FAF1: variants seen among roughly 807,000 people sequenced by gnomAD.
FAF1 encodes FAS-associated factor 1.
In FAF1, 25 loss-of-function variants were observed where a neutral mutation model predicts 92.5. The ratio of observed to expected loss-of-function variants is 0.27; its 90% CI spans 0.20 to 0.38. The LOEUF (loss-of-function observed/expected upper bound fraction) is 0.38, where lower values mean the gene tolerates loss of function less well. Ranked by LOEUF, FAF1 falls within the 10% of genes least tolerant of loss-of-function variation. The pLI is 1.00. For synonymous variants in FAF1, 234 were observed against 273.2 expected, an observed-to-expected ratio of 0.86 and a Z score of 1.42; for missense variants, 636 against 793.3, an observed-to-expected ratio of 0.80 and a Z score of 2.38.
At chr1:50,532,844 C>T (rs1648252551) in intron 15 of FAF1, among the ~76,000 whole-genome samples, 1 of 152,112 alleles carries the variant, frequency 6.6e-6, no homozygotes, top group African/African-American at 2.4e-5. Flanking sequence ...CAGGGTCTCA[C>T]TCTGTCACCC....
intron 18 of FAF1, among the ~76,000 whole-genome samples, chr1:50,466,575 G>C (rs1205721910): frequency 6.6e-6 from 1 of 152,172 alleles, no homozygotes; most frequent in Non-Finnish European, 1.5e-5. Context: ...AGAGATCAAA[G>C]GACTGACATT....
intron 13 of FAF1, among the ~76,000 whole-genome samples, chr1:50,561,061 G>A (rs957264390): frequency 6.6e-6 from 1 of 152,148 alleles, no homozygotes; most frequent in African/African-American, 2.4e-5. Context: ...CTAGCACTCC[G>A]GGCCTGGGAC....
Position 50,654,721 on chromosome 1 carries a change from T to C in FAF1, c.744+721A>G, listed in dbSNP as rs373961890. Among the ~76,000 whole-genome samples the C allele has an allele frequency of 8.1e-4, 123 of 152,338 alleles. 4 individuals carry two copies. The South Asian group carries it at 0.024, about 30-fold the overall frequency. ...AATTAAATATAATGATTAGCTTGAT[T>C]TTGAAATATCTGTAATTTAGGAAAG... On this transcript the variant is annotated intron_variant, in intron 8 of 18. Coordinates refer to ENST00000396153, the MANE Select transcript of FAF1 (RefSeq NM_007051.3).
chr1:50,938,062 T>A (rs547624187), intron 1 of FAF1, among the ~76,000 whole-genome samples: 1 of 152,214 alleles, frequency 6.6e-6, no homozygotes, highest in Non-Finnish European at 1.5e-5. Flanking sequence ...CACAATCGCT[T>A]ATACTGACAA....
intron 6 of FAF1, among the ~76,000 whole-genome samples, chr1:50,709,335 G>C (rs995461252): frequency 4.6e-5 from 7 of 152,036 alleles, no homozygotes; most frequent in African/African-American, 2.4e-5. Context: ...TTTGTTTCAT[G>C]TGTGGATACC....
chr1:50,617,171 A>T (rs1652951101), intron 8 of FAF1, among the ~76,000 whole-genome samples: 1 of 152,142 alleles, frequency 6.6e-6, no homozygotes, highest in Admixed American at 6.5e-5. Context: ...GACTTTCAGT[A>T]CTATGTTAAA....
intron 17 of FAF1, among the ~76,000 whole-genome samples, chr1:50,485,690 A>AAC (rs1646758990): frequency 1.3e-5 from 2 of 150,288 alleles, no homozygotes; most frequent in South Asian, 4.2e-4. Context: ...AAAAAAAAAA[A>AAC]AAAAAACCAA....
chr1:50,505,849 A>G (rs1032061737), intron 15 of FAF1, among the ~76,000 whole-genome samples: 1 of 152,214 alleles, frequency 6.6e-6, no homozygotes, highest in Admixed American at 6.5e-5. Flanking sequence ...AACTTTCACT[A>G]AGCAGGGAAT....
chr1:50,516,170 A>G (rs929400330), intron 15 of FAF1, among the ~76,000 whole-genome samples: 14 of 152,196 alleles, frequency 9.2e-5, no homozygotes, highest in Admixed American at 8.5e-4. Context: ...CAGGCAATAT[A>G]GCACTGCAAA....
At chr1:50,588,696 C>T (rs548283320) in intron 9 of FAF1, among the ~76,000 whole-genome samples, 13 of 152,252 alleles carry the variant, frequency 8.5e-5, no homozygotes, top group African/African-American at 2.4e-4. Context: ...TGATCCTTGA[C>T]GGCAAAAGTT....
At chr1:50,846,483 G>A (rs1644301581) in intron 2 of FAF1, 4 of 483,470 alleles carry the variant, frequency 8.3e-6, no homozygotes, top group East Asian at 5.6e-5. Flanking sequence ...CCCGCTATAA[G>A]CTGGCTTTAA....
At chr1:50,679,550 A>G (rs1352028526) in intron 7 of FAF1, among the ~76,000 whole-genome samples, 1 of 152,166 alleles carries the variant, frequency 6.6e-6, no homozygotes, top group Non-Finnish European at 1.5e-5. Flanking sequence ...AGCCAAAACT[A>G]AACTATCCTC....
chr1:50,643,579 T>C (rs1654445001), intron 8 of FAF1, among the ~76,000 whole-genome samples: 1 of 150,452 alleles, frequency 6.6e-6, no homozygotes, highest in Non-Finnish European at 1.5e-5. Context: ...AAGTGTTACT[T>C]TGTTCTTTTA....
At chr1:50,932,200 C>T (rs925192279) in intron 1 of FAF1, among the ~76,000 whole-genome samples, 1 of 152,098 alleles carries the variant, frequency 6.6e-6, no homozygotes. Flanking sequence ...ACCAATCATG[C>T]CTTCCCAATA....
At chr1:50,826,383 T>C (rs1644097852) in intron 2 of FAF1, among the ~76,000 whole-genome samples, 1 of 151,774 alleles carries the variant, frequency 6.6e-6, no homozygotes, top group African/African-American at 2.4e-5. Flanking sequence ...AAACCCCGTC[T>C]CTACTAAAAT....
intron 1 of FAF1, among the ~76,000 whole-genome samples, chr1:50,941,943 G>T (rs1645136834): frequency 6.6e-6 from 1 of 152,072 alleles, no homozygotes; most frequent in Admixed American, 6.5e-5. Flanking sequence ...CCAGTAAACT[G>T]CAGCTGAGTA....
At chr1:50,595,732 G>A (rs1179767479) in intron 9 of FAF1, among the ~76,000 whole-genome samples, 1 of 151,850 alleles carries the variant, frequency 6.6e-6, no homozygotes, top group East Asian at 1.9e-4. Flanking sequence ...TAGTAGAGAC[G>A]GGGTTTTACT....
At chr1:50,799,359 G>A (rs1249427820) in intron 3 of FAF1, among the ~76,000 whole-genome samples, 1 of 152,068 alleles carries the variant, frequency 6.6e-6, no homozygotes, top group African/African-American at 2.4e-5. Context: ...TATGTCAATT[G>A]CCCAGCACAC....
chr1:50,524,947 G>A (rs1035471854), intron 15 of FAF1, among the ~76,000 whole-genome samples: 2 of 151,850 alleles, frequency 1.3e-5, no homozygotes, highest in African/African-American at 4.8e-5. Flanking sequence ...GTGCAGTGGT[G>A]AGATCTTGGC....
Sources: gnomAD v4.1 joint callset for allele counts (sites outside exome capture counted in the v4.1 genomes callset) on GRCh38, gnomAD v4.1.1 for gene constraint, MANE v1.5 for transcripts, NCBI Gene and HGNC (gene_info 2026-07-23, HGNC 2026-07-21) for gene names.